The following GTF3C3 variants were observed in gnomAD, a reference collection of about 807,000 sequenced individuals.
GTF3C3 encodes the protein general transcription factor 3C polypeptide 3.
A neutral mutation model predicts 105.2 loss-of-function variants in GTF3C3; 75 were observed. The observed-to-expected ratio is 0.71, with a 90% CI of 0.59 to 0.86. GTF3C3 has a LOEUF of 0.86. Ranked by LOEUF, GTF3C3 falls within the 40% of genes least tolerant of loss-of-function variation. GTF3C3 has a pLI of 0.00. For missense variants in GTF3C3, 856 were observed against 1,076.5 expected (o/e 0.80, Z 2.87); for synonymous variants, 335 against 370.4 (o/e 0.90, Z 1.10).
Position 196,771,704 on chromosome 2 carries a change from C to T in GTF3C3, c.2260+44G>A, listed in dbSNP as rs751698315. On this transcript the variant is annotated intron_variant, in intron 15 of 17. Transcript: ENST00000263956. ...TCCAATCCAGAGGCTAGGCTCTTCA[C>T]CACACTATTTATGCTTGACAAAGTC... 5.1e-6 allele frequency: 7 copies of T among 1,371,202 alleles called. No homozygotes were observed. The Admixed American group carries it at 1.2e-4, about 23-fold the overall frequency. The allele number at this position is 1,371,202 out of a possible 1,614,324, so 84.9% of individuals were successfully genotyped here.
chr2:196,782,473 T>A lies in GTF3C3; in HGVS notation c.1115-1811A>T, dbSNP rs551674855. Reference sequence around the variant, plus strand: ...CTCGGCATAGGCCTTAAAAATATAGTGTGTATAGATGCATAGGTCAAAAAC... The same window carrying A: ...CTCGGCATAGGCCTTAAAAATATAGAGTGTATAGATGCATAGGTCAAAAAC... On this transcript the variant is annotated intron_variant, in intron 8 of 17. Transcript: ENST00000263956. Among the ~76,000 whole-genome samples the A allele has an allele frequency of 3.3e-5, 5 of 151,560 alleles. No homozygotes were observed. The South Asian group carries it at 1.0e-3, about 31-fold the overall frequency.
chr2:196,795,333 T>C (rs1340418057), intron 2 of GTF3C3, among the ~76,000 whole-genome samples: 1 of 152,220 alleles, frequency 6.6e-6, no homozygotes, highest in East Asian at 1.9e-4. Flanking sequence ...CAACTGCACC[T>C]GGCCTGTGTT....
intron 1 of GTF3C3, among the ~76,000 whole-genome samples, chr2:196,798,330 G>C (rs180729040): frequency 1.3e-5 from 2 of 151,696 alleles, no homozygotes; most frequent in Non-Finnish European, 2.9e-5. Flanking sequence ...TTTGAGACCG[G>C]CCTGGGCAAC....
In GTF3C3 at chr2:196,776,237, G is replaced by T; in HGVS notation, c.1594-126C>A. The T allele has an allele frequency of 1.5e-6, 1 of 688,684 alleles. No individual in the cohort carries two copies. The highest frequency in any genetic ancestry group is 2.5e-6 in the Non-Finnish European group (1 of 407,748). 42.7% of individuals were successfully genotyped at this position (688,684 alleles called of 1,614,324 possible). A position where few individuals can be genotyped will look rare whatever the true frequency, so the allele number is the denominator to read the frequency against. The stretch of plus-strand genomic sequence containing the variant: ...TTATGGTCTTTCACAATAATTAAGA[G>T]CCAATATTTTAAAACTATAATTTGT... On this transcript the variant is annotated intron_variant, in intron 11 of 17. Transcript: ENST00000263956. The surrounding 1 kb of genome is among the most constrained non-coding windows in gnomAD (Gnocchi z 4.5).
intron 2 of GTF3C3, among the ~76,000 whole-genome samples, chr2:196,795,037 G>T (rs1699617247): frequency 6.7e-6 from 1 of 149,964 alleles, no homozygotes; most frequent in East Asian, 2.0e-4. Context: ...CATTTTTTTT[G>T]TTTTGTTTTG....
chr2:196,776,735 C>T lies in GTF3C3; in HGVS notation c.1391-106G>A. 6.8e-6 allele frequency: 5 copies of T among 733,134 alleles called. 1 individual carries two copies. In the South Asian group the frequency reaches 9.4e-5, roughly 14 times the overall value. The allele number at this position is 733,134 out of a possible 1,614,324, so 45.4% of individuals were successfully genotyped here. A position where few individuals can be genotyped will look rare whatever the true frequency, so the allele number is the denominator to read the frequency against. On this transcript the variant is annotated intron_variant, in intron 10 of 17. Coordinates refer to ENST00000263956, the MANE Select transcript of GTF3C3 (RefSeq NM_012086.5). The surrounding 1 kb of genome is among the most constrained non-coding windows in gnomAD (Gnocchi z 4.5). ...AATATAGCAATATAAAAAATTATAA[C>T]AAGAAATGAATGCGTATTTCTAGTA...
At chr2:196,764,770 G>T in intron 17 of GTF3C3, 85 bp from the exon 18 acceptor site, 1 of 1,237,514 alleles carries the variant, frequency 8.1e-7, no homozygotes, top group Non-Finnish European at 1.1e-6. Context: ...TTTTATAAGT[G>T]TAAGTAAGTT....
At chr2:196,797,304 A>G (rs1699663772) in intron 2 of GTF3C3, among the ~76,000 whole-genome samples, 1 of 152,212 alleles carries the variant, frequency 6.6e-6, no homozygotes, top group African/African-American at 2.4e-5. Context: ...GGACATGCAA[A>G]GCTGAGGACT....
At chr2:196,787,856 T>A (rs1221871033) in intron 6 of GTF3C3, among the ~76,000 whole-genome samples, 3 of 152,306 alleles carry the variant, frequency 2.0e-5, no homozygotes, top group South Asian at 4.1e-4. Flanking sequence ...TCAATAATAT[T>A]TCTGGAGGGA....
In GTF3C3 at chr2:196,764,659, T is replaced by C; in HGVS notation, c.2565A>G (p.Leu855=). The C allele has an allele frequency of 6.2e-7, 1 of 1,612,152 alleles. No homozygotes were observed. The highest frequency in any genetic ancestry group is 8.5e-7 in the Non-Finnish European group (1 of 1,178,218). The part of the protein sequence containing the change: ...VEGIELDQLD[L]RRDIAYNLSL... The stretch of plus-strand genomic sequence containing the variant: ...ACAAGTTGTAGGCAATATCTCTTCG[T>C]AAGTCTAACTGGTCAAGTTCTATAC... The change falls in exon 18 of 18, where the codon TTA becomes TTG. Residue 855 remains leucine (L), a synonymous_variant. Coordinates refer to ENST00000263956, the MANE Select transcript of GTF3C3 (RefSeq NM_012086.5).
intron 9 of GTF3C3, 45 bp from the exon 10 acceptor site, chr2:196,779,112 G>A (rs949263254): frequency 6.7e-6 from 10 of 1,484,124 alleles, no homozygotes; most frequent in Middle Eastern, 3.8e-4. Context: ...CATTACAAAC[G>A]TGCACATCTA....
intron 3 of GTF3C3, chr2:196,791,922 TC>T (rs1452776201): frequency 7.3e-6 from 1 of 136,214 alleles, no homozygotes; most frequent in East Asian, 2.1e-4. Flanking sequence ...GGGTGACAGA[TC>T]AAGACTGTCT....
chr2:196,779,895 G>A (rs978753286), intron 9 of GTF3C3, among the ~76,000 whole-genome samples: 2 of 152,012 alleles, frequency 1.3e-5, no homozygotes, highest in African/African-American at 4.8e-5. Context: ...TGCCCAGGCT[G>A]GTCTTGAACT....
chr2:196,792,933 T>C (rs757994304), intron 3 of GTF3C3, 23 bp downstream of exon 3: 2 of 1,527,660 alleles, frequency 1.3e-6, no homozygotes, highest in African/African-American at 1.4e-5. Flanking sequence ...TGTTTATAAA[T>C]ACCAAAATAA....
chr2:196,772,611 C>G (rs1344235757), intron 14 of GTF3C3, among the ~76,000 whole-genome samples: 2 of 152,060 alleles, frequency 1.3e-5, no homozygotes, highest in Non-Finnish European at 2.9e-5. Flanking sequence ...CATAACAACT[C>G]CTTTAACCTT....
intron 7 of GTF3C3, 131 bp from the exon 8 acceptor site, chr2:196,785,060 A>C: frequency 1.6e-6 from 1 of 631,010 alleles, no homozygotes; most frequent in Non-Finnish European, 2.7e-6. Flanking sequence ...AGTCTTTTAA[A>C]AATGAGAAAC....
At chr2:196,782,992 A>C (rs1194931254) in intron 8 of GTF3C3, among the ~76,000 whole-genome samples, 2 of 152,176 alleles carry the variant, frequency 1.3e-5, no homozygotes, top group Non-Finnish European at 2.9e-5. Context: ...CATTCAGAAG[A>C]ATTTAAAAAT....
intron 8 of GTF3C3, among the ~76,000 whole-genome samples, chr2:196,781,357 A>AAAAATATAT: frequency 1.1e-3 from 20 of 18,800 alleles, no homozygotes; most frequent in African/African-American, 1.9e-3. Context: ...AAAAAAAAAA[A>AAAAATATAT]ATATATATAT....
At chr2:196,788,897 TC>T (rs1387447289) in intron 6 of GTF3C3, among the ~76,000 whole-genome samples, 1 of 151,926 alleles carries the variant, frequency 6.6e-6, no homozygotes, top group African/African-American at 2.4e-5. Context: ...AGACCCTGTC[TC>T]TACAAAAAAA....
Sources: allele counts gnomAD v4.1 joint callset (sites outside exome capture counted in the v4.1 genomes callset), GRCh38; gene constraint gnomAD v4.1.1; non-coding constraint Gnocchi (gnomAD v3.1); transcripts MANE v1.5; gene names NCBI Gene and HGNC (gene_info 2026-07-23, HGNC 2026-07-21).